OR7C1: variants seen among roughly 807,000 people sequenced by gnomAD.
OR7C1 encodes olfactory receptor 7C1.
For synonymous variants in OR7C1, 152 were observed against 160.7 expected (o/e 0.95, Z 0.41); for missense variants, 324 against 383.3 (o/e 0.85, Z 1.29).
In OR7C1 at chr19:14,799,325, C is replaced by T. The variant is rs750419538; in HGVS notation, c.812G>A (p.Ser271Asn). The change falls in exon 5 of 5, where the codon AGT becomes AAT. Residue 271 changes from serine to asparagine, a missense_variant. By Grantham distance (46) the Ser-to-Asn change is conservative. Coordinates refer to ENST00000641666, the Ensembl canonical transcript of OR7C1. ...GGTGTACATCACTGAGGCCACCAGA[C>T]TTGTCCTAGAAGATGGTGTGGCTGC... 30 of 1,614,088 alleles carry T rather than the reference C, an allele frequency of 1.9e-5. No individual in the cohort carries two copies. Among genetic ancestry groups the T allele is most frequent in the Non-Finnish European group, 2.4e-5 (28 of 1,180,052 alleles).
intron 2 of OR7C1, among the ~76,000 whole-genome samples, chr19:14,805,711 G>A (rs970796876): frequency 1.1e-4 from 16 of 151,820 alleles, no homozygotes; most frequent in Admixed American, 3.9e-4. Context: ...CACCATGCCC[G>A]GCCTGGGAAA....
At chr19:14,799,601 C>G in exon 5 of OR7C1, 2 of 1,613,856 alleles carry the variant, frequency 1.2e-6, no homozygotes, top group Non-Finnish European at 1.7e-6. Flanking sequence ...AAGTAGATCA[C>G]AAAAAAAGTG....
intron 1 of OR7C1, among the ~76,000 whole-genome samples, chr19:14,820,993 C>T (rs1386688910): frequency 1.3e-5 from 2 of 152,178 alleles, no homozygotes; most frequent in Admixed American, 1.3e-4. Flanking sequence ...GTGGCTCACA[C>T]CTGTAATCCC....
chr19:14,801,806 C>T (rs75888346), intron 2 of OR7C1, among the ~76,000 whole-genome samples: 7,691 of 152,098 alleles, frequency 0.051, 528 homozygotes, highest in African/African-American at 0.16. Context: ...AGAGAGAGAG[C>T]GCGCGCTAAG....
intron 1 of OR7C1, among the ~76,000 whole-genome samples, chr19:14,820,792 G>A (rs893635694): frequency 6.6e-6 from 1 of 152,288 alleles, no homozygotes; most frequent in African/African-American, 2.4e-5. Flanking sequence ...TCTAAAGTAT[G>A]GTCTGGGGAG....
At chr19:14,823,597 A>G (rs542729953) in intron 1 of OR7C1, among the ~76,000 whole-genome samples, 3 of 152,350 alleles carry the variant, frequency 2.0e-5, no homozygotes, top group South Asian at 4.1e-4. Flanking sequence ...TAAGTAATTT[A>G]TCAGTCCTAA....
Position 14,822,373 on chromosome 19 carries a change from C to CTTTTTTTT in OR7C1, c.-622-12388_-622-12381dup, listed in dbSNP as rs1162241411. Reference sequence around the variant, plus strand: ...ATCCTCATCAGCACTTATCTCCTGTCTTTTTTTTTTTTTTTTTTTTTTTTT... The same window carrying CTTTTTTTT: ...ATCCTCATCAGCACTTATCTCCTGTCTTTTTTTTTTTTTTTTTTTTTTTTTTTTTTTTT... On this transcript the variant is annotated intron_variant, in intron 1 of 4. Transcript: ENST00000641666. Among the ~76,000 whole-genome samples, 338 of 67,722 alleles carry CTTTTTTTT rather than the reference C, an allele frequency of 5.0e-3. 42 individuals are homozygous for CTTTTTTTT. The highest frequency in any genetic ancestry group is 0.011 in the Middle Eastern group (1 of 90). The allele number at this position is 67,722 out of a possible 152,430, so 44.4% of individuals were successfully genotyped here.
chr19:14,810,027 C>T lies in OR7C1; in HGVS notation c.-622-34G>A, dbSNP rs16979930. On this transcript the variant is annotated intron_variant, in intron 1 of 4. Transcript: ENST00000641666. ...GGAGAATTTACAGTTTATGGAGAACCGGAGGCTGAATTCTCAGGGCTCCTC... is the reference window on the plus strand; with the variant it reads ...GGAGAATTTACAGTTTATGGAGAACTGGAGGCTGAATTCTCAGGGCTCCTC... 31 of 151,902 alleles carry T rather than the reference C, an allele frequency of 2.0e-4. 1 individual carries two copies. Among genetic ancestry groups the T allele is most frequent in the African/African-American group, 6.3e-4 (26 of 41,222 alleles). The allele number at this position is 151,902 out of a possible 1,614,324, so 9.4% of individuals were successfully genotyped here.
chr19:14,828,302 G>A, intron 1 of OR7C1: 1 of 1,502,546 alleles, frequency 6.7e-7, no homozygotes, highest in Non-Finnish European at 9.0e-7. Context: ...GGCATGCATT[G>A]CTAACCTTTC....
intron 2 of OR7C1, among the ~76,000 whole-genome samples, chr19:14,805,003 C>T (rs2044659514): frequency 6.6e-6 from 1 of 151,888 alleles, no homozygotes; most frequent in South Asian, 2.1e-4. Context: ...TCCAAAGTAG[C>T]TGAGACTACA....
chr19:14,834,243 G>A (rs964361993), intron 1 of OR7C1, among the ~76,000 whole-genome samples: 1 of 152,100 alleles, frequency 6.6e-6, no homozygotes, highest in Admixed American at 6.6e-5. Context: ...GTAGTAGCAT[G>A]GACAGAGGCT....
At chr19:14,817,731 G>A (rs1218888594) in intron 1 of OR7C1, among the ~76,000 whole-genome samples, 1 of 152,168 alleles carries the variant, frequency 6.6e-6, no homozygotes, top group African/African-American at 2.4e-5. Flanking sequence ...ATGCTAAAAA[G>A]AGCAGTGTCT....
intron 2 of OR7C1, among the ~76,000 whole-genome samples, chr19:14,808,460 C>T (rs1183191641): frequency 6.6e-6 from 1 of 151,966 alleles, no homozygotes; most frequent in Non-Finnish European, 1.5e-5. Flanking sequence ...GAATTCATGT[C>T]TTGTGCAGCA....
At chr19:14,823,627 C>A (rs1023998491) in intron 1 of OR7C1, among the ~76,000 whole-genome samples, 3 of 152,146 alleles carry the variant, frequency 2.0e-5, no homozygotes, top group African/African-American at 7.2e-5. Flanking sequence ...ATCTTCCCAC[C>A]CTTCTGGGTC....
intron 1 of OR7C1, chr19:14,827,925 A>T: frequency 6.2e-7 from 1 of 1,614,202 alleles, no homozygotes; most frequent in South Asian, 1.1e-5. Context: ...TCCAGCAAAG[A>T]GTATGAAAAA....
intron 2 of OR7C1, among the ~76,000 whole-genome samples, chr19:14,807,701 C>A (rs187214108): frequency 6.6e-6 from 1 of 151,822 alleles, no homozygotes; most frequent in African/African-American, 2.4e-5. Flanking sequence ...CTGAGACCAT[C>A]CTGGCTAACA....
At chr19:14,834,757 C>A (rs2044868733) in intron 1 of OR7C1, among the ~76,000 whole-genome samples, 1 of 152,152 alleles carries the variant, frequency 6.6e-6, no homozygotes, top group Non-Finnish European at 1.5e-5. Flanking sequence ...TCTCTACTCC[C>A]CTTAATTACA....
rs1162241411 is a variant in OR7C1, at chr19:14,822,373, C to CTTTTTTTTTTTTT, written c.-622-12393_-622-12381dup. ...ATCCTCATCAGCACTTATCTCCTGT[C>CTTTTTTTTTTTTT]TTTTTTTTTTTTTTTTTTTTTTTTT... On this transcript the variant is annotated intron_variant, in intron 1 of 4. Coordinates refer to ENST00000641666, the Ensembl canonical transcript of OR7C1. 4.4e-4 allele frequency among the ~76,000 whole-genome samples: 30 copies of CTTTTTTTTTTTTT among 67,722 alleles called. 7 individuals are homozygous for CTTTTTTTTTTTTT. The highest frequency in any genetic ancestry group is 1.0e-3 in the African/African-American group (19 of 18,532). 44.4% of individuals were successfully genotyped at this position (67,722 alleles called of 152,430 possible).
intron 1 of OR7C1, among the ~76,000 whole-genome samples, chr19:14,810,577 G>A (rs921087332): frequency 2.7e-5 from 4 of 148,466 alleles, no homozygotes; most frequent in African/African-American, 1.0e-4. Flanking sequence ...AGTGGAGATA[G>A]CGTTTCACCA....
Sources: gnomAD v4.1 joint callset for allele counts (sites outside exome capture counted in the v4.1 genomes callset) on GRCh38, gnomAD v4.1.1 for gene constraint, MANE v1.5 for transcripts, NCBI Gene and HGNC (gene_info 2026-07-23, HGNC 2026-07-21) for gene names.